Variants in SPTBN2 observed in about 807,000 individuals in gnomAD.
SPTBN2 encodes spectrin beta chain, non-erythrocytic 2.
A neutral mutation model predicts 284.2 loss-of-function variants in SPTBN2; 107 were observed. The ratio of observed to expected loss-of-function variants is 0.38; its 90% CI spans 0.32 to 0.44. The LOEUF (loss-of-function observed/expected upper bound fraction) is 0.44, where lower values mean the gene tolerates loss of function less well. SPTBN2 is among the 20% of genes least tolerant of loss of function. SPTBN2 has a pLI of 1.00. For missense variants in SPTBN2, 2,569 were observed against 3,287.1 expected (o/e 0.78, Z 5.34); for synonymous variants, 1,289 against 1,354.8 (o/e 0.95, Z 1.07).
intron 1 of SPTBN2, among the ~76,000 whole-genome samples, chr11:66,735,197 G>T (rs370116500): frequency 1.3e-5 from 2 of 152,110 alleles, no homozygotes; most frequent in Non-Finnish European, 2.9e-5. Context: ...GCCAGGCGTG[G>T]TGGCGCATGT....
chr11:66,705,464 A>G lies in SPTBN2; in HGVS notation c.1812T>C (p.Tyr604=), dbSNP rs775241930. ...ALRFCNPGKE[Y]RPCDPQLVSE... is the part of the protein sequence containing the mutation. ...ACACCAGCTGCGGGTCGCAAGGTCT[A>G]TACTCTGAGAAAGTCACAGGAGAGG... Residue 604 remains tyrosine (Y), a synonymous_variant, in exon 15 of 38, where the codon TAT becomes TAC. Coordinates refer to ENST00000533211, the MANE Select transcript of SPTBN2 (RefSeq NM_006946.4). The G allele has an allele frequency of 3.7e-5, 59 of 1,612,914 alleles. 2 individuals are homozygous for G. In the South Asian group the frequency reaches 5.9e-4, roughly 16 times the overall value.
rs1398685416 is a variant in SPTBN2 at position 66,698,753 on chromosome 11, T to A, written c.3900A>T (p.Thr1300=). 6.2e-7 allele frequency: 1 copy of A among 1,614,182 alleles called. No individual in the cohort carries two copies. Residue 1300 remains threonine (T), a synonymous_variant, in exon 20 of 38, where the codon ACA becomes ACT. Transcript: ENST00000533211. ...LKLWIDEKML[T]AQDVSYDEAR... ...CCTCGTCATAGGACACGTCCTGGGC[T>A]GTCAGCATCTTCTCGTCGATCCAGA...
chr11:66,712,367 T>C (rs1941913784), intron 8 of SPTBN2, among the ~76,000 whole-genome samples: 1 of 152,090 alleles, frequency 6.6e-6, no homozygotes. Context: ...ACCAACATGG[T>C]GAAACCCTGT....
chr11:66,688,119 G>C, intron 32 of SPTBN2, 40 bp from the exon 33 acceptor site: 1 of 1,613,672 alleles, frequency 6.2e-7, no homozygotes, highest in Non-Finnish European at 8.5e-7. Flanking sequence ...TTAGTCCCTG[G>C]GTGGCCTGGG....
rs752516644 is a variant in SPTBN2 at position 66,700,585 on chromosome 11, G to A, written c.3514C>T (p.His1172Tyr). ...TCCCGCAGGAATCCCTGGAAGCCGT[G>A]GGCCTGGGCCAGGCGACCTTGCCGG... ...ESRQGRLAQA[H>Y]GFQGFLRDAR... Residue 1172 changes from histidine to tyrosine, a missense_variant, in exon 17 of 38, where the codon CAC becomes TAC. Coordinates refer to ENST00000533211, the MANE Select transcript of SPTBN2 (RefSeq NM_006946.4). This position sits in a 1 kb window ranked among gnomAD's most constrained non-coding sequence, Gnocchi z 6.6. 7 of 1,607,752 alleles carry A rather than the reference G, an allele frequency of 4.4e-6. No homozygotes were observed. Among genetic ancestry groups the A allele is most frequent in the South Asian group, 1.1e-5 (1 of 91,090 alleles).
In SPTBN2 at chr11:66,686,982, C is replaced by T. The variant is rs748108879; in HGVS notation, c.6896+12G>A. 6.2e-7 allele frequency: 1 copy of T among 1,613,758 alleles called. No homozygotes were observed. The highest frequency in any genetic ancestry group is 8.5e-7 in the Non-Finnish European group (1 of 1,180,032). On this transcript the variant is annotated intron_variant, in intron 36 of 37. Transcript: ENST00000533211. The stretch of plus-strand genomic sequence containing the variant: ...CTCCTCCCATCCCGAGAGCACTGTT[C>T]CCTGTTCCTACCCCAGCTTGAAGAC...
chr11:66,740,987 G>A (rs552902580), intron 1 of SPTBN2, among the ~76,000 whole-genome samples: 16 of 152,278 alleles, frequency 1.1e-4, no homozygotes, highest in South Asian at 8.3e-4. Context: ...CACTCCCTAG[G>A]ATGTTCTGGT....
At chr11:66,724,890 C>G (rs75715895) in intron 1 of SPTBN2, among the ~76,000 whole-genome samples, 1 of 152,140 alleles carries the variant, frequency 6.6e-6, no homozygotes, top group African/African-American at 2.4e-5. Flanking sequence ...AAGACCACAG[C>G]CCTGGTGGTA....
In SPTBN2 at chr11:66,688,076, G is replaced by A. The variant is rs770472919; in HGVS notation, c.6378C>T (p.Thr2126=). The A allele has an allele frequency of 4.7e-5, 75 of 1,609,504 alleles. No homozygotes were observed. The highest frequency in any genetic ancestry group is 1.6e-4 in the Middle Eastern group (1 of 6,080). The change falls in exon 33 of 38, where the codon ACC becomes ACT. Residue 2126 remains threonine, a synonymous_variant. Coordinates refer to ENST00000533211, the MANE Select transcript of SPTBN2 (RefSeq NM_006946.4). ...GTGTGGATGGTGGTGGCCGTGGCTG[G>A]GTTCTGGGATGACCAAAGGCAACAC... ...QTASDTTWDG[T]QPRPPPSTQA...
In SPTBN2 at chr11:66,700,929, C is replaced by T. The variant is rs771030742; in HGVS notation, c.3170G>A (p.Arg1057Gln). The change falls in exon 17 of 38, where the codon CGA becomes CAA. Residue 1057 changes from arginine (R) to glutamine (Q), a missense_variant. By Grantham distance (43) the Arg-to-Gln change is conservative. Transcript: ENST00000533211. This position sits in a 1 kb window ranked among gnomAD's most constrained non-coding sequence, Gnocchi z 6.6. ...WEDLRATMRR[R>Q]EESLGEARRL... ...CCGCGCCTCCCCCAGCGACTCTTCT[C>T]GACGCCGCATGGTGGCCCTGAGGTC... 6 of 1,602,652 alleles carry T rather than the reference C, an allele frequency of 3.7e-6. No homozygotes were observed. Among genetic ancestry groups the T allele is most frequent in the Admixed American group, 1.7e-5 (1 of 59,996 alleles).
At chr11:66,716,711 A>C (rs1487882879) in intron 3 of SPTBN2, among the ~76,000 whole-genome samples, 1 of 152,204 alleles carries the variant, frequency 6.6e-6, no homozygotes, top group Non-Finnish European at 1.5e-5. Context: ...AAATGAGATA[A>C]GGTATATAAA....
At chr11:66,743,171 A>T (rs1284628505) in intron 1 of SPTBN2, among the ~76,000 whole-genome samples, 1 of 152,154 alleles carries the variant, frequency 6.6e-6, no homozygotes, top group African/African-American at 2.4e-5. Context: ...GAAGACTCCA[A>T]TGATTCCTCA....
rs771467437 is a variant in SPTBN2, at chr11:66,692,611, G to C, written c.5115C>G (p.Asp1705Glu). The part of the protein sequence containing the change: ...RLCQLRRELD[D>E]LEQWIQEREV... ...CGCGCTCCTGGATCCACTGTTCCAG[G>C]TCATCCAGCTCGCGGCGGAGCTGGC... is the stretch of plus-strand genomic sequence containing the variant. Residue 1705 changes from aspartate to glutamate, a missense_variant, in exon 26 of 38, where the codon GAC becomes GAG. By Grantham distance (45) the Asp-to-Glu change is conservative (BLOSUM62 2). Around this residue, in one of 6 missense-constraint regions of SPTBN2, gnomAD observed 1,130 missense variants for 1,317.3 expected, o/e 0.86. Coordinates refer to ENST00000533211, the MANE Select transcript of SPTBN2 (RefSeq NM_006946.4). 8.1e-6 allele frequency: 13 copies of C among 1,606,870 alleles called. No individual in the cohort carries two copies. The African/African-American group carries it at 1.3e-4, about 16-fold the overall frequency.
At chr11:66,742,900 G>A (rs1424355831) in intron 1 of SPTBN2, among the ~76,000 whole-genome samples, 1 of 152,198 alleles carries the variant, frequency 6.6e-6, no homozygotes, top group African/African-American at 2.4e-5. Flanking sequence ...GTGAGCCACT[G>A]CGCCCGGCCA....
intron 3 of SPTBN2, among the ~76,000 whole-genome samples, chr11:66,717,160 CA>C (rs1162853034): frequency 6.6e-6 from 1 of 151,538 alleles, no homozygotes; most frequent in Non-Finnish European, 1.5e-5. Context: ...GTACCAATCT[CA>C]AAAAAAAGTT....
Position 66,705,074 on chromosome 11 carries a change from G to C in SPTBN2, c.2202C>G (p.Ala734=). The C allele has an allele frequency of 6.3e-7, 1 of 1,584,296 alleles. No homozygotes were observed. Among genetic ancestry groups the C allele is most frequent in the Non-Finnish European group, 8.5e-7 (1 of 1,172,630 alleles). ...ELQAQWERLE[A]LAEERAQRLA... is the part of the protein sequence containing the mutation. ...GCCGCTGGGCACGCTCCTCGGCCAG[G>C]GCCTCTAGCCGCTCCCACTGGGCTT... is the stretch of plus-strand genomic sequence containing the variant. The change falls in exon 15 of 38, where the codon GCC becomes GCG. Residue 734 remains alanine (A), a synonymous_variant. Transcript: ENST00000533211.
intron 17 of SPTBN2, 142 bp from the exon 18 acceptor site, chr11:66,699,750 G>T: frequency 2.3e-6 from 2 of 871,610 alleles, no homozygotes; most frequent in Non-Finnish European, 3.7e-6. Flanking sequence ...AAGACAGGGA[G>T]GCTGCCAGCC....
At chr11:66,723,618 C>G (rs1942513404) in intron 1 of SPTBN2, among the ~76,000 whole-genome samples, 1 of 152,120 alleles carries the variant, frequency 6.6e-6, no homozygotes. Flanking sequence ...AGGTCTAAGG[C>G]TTGTAGATTT....
intron 1 of SPTBN2, among the ~76,000 whole-genome samples, chr11:66,742,638 C>A (rs1269702668): frequency 6.6e-6 from 1 of 151,124 alleles, no homozygotes; most frequent in Non-Finnish European, 1.5e-5. Flanking sequence ...TAGACAGAGT[C>A]TCACTCTGTC....
Sources: allele counts gnomAD v4.1 joint callset (sites outside exome capture counted in the v4.1 genomes callset), GRCh38; gene constraint gnomAD v4.1.1; regional missense constraint gnomAD v4.1.1; non-coding constraint Gnocchi (gnomAD v3.1); transcripts MANE v1.5; gene names NCBI Gene and HGNC (gene_info 2026-07-23, HGNC 2026-07-21).